OBSL1: variants seen among roughly 807,000 people sequenced by gnomAD.
OBSL1 encodes obscurin-like protein 1.
A neutral mutation model predicts 172.0 loss-of-function variants in OBSL1; 160 were observed. That is an observed-to-expected ratio of 0.93 (90% CI 0.82 to 1.06). The LOEUF (loss-of-function observed/expected upper bound fraction) is 1.06. Ranked by LOEUF, OBSL1 falls within the 50% of genes least tolerant of loss-of-function variation. The probability of loss-of-function intolerance (pLI) is 0.00; values close to 1 mark genes in which losing one functional copy is unlikely to be tolerated. For synonymous variants in OBSL1, 1,200 were observed against 1,196.3 expected, an observed-to-expected ratio of 1.00 and a Z score of -0.06; for missense variants, 2,681 against 2,715.4, an observed-to-expected ratio of 0.99 and a Z score of 0.28.
downstream of OBSL1, chr2:219,550,692 G>T: frequency 8.7e-7 from 1 of 1,149,458 alleles, no homozygotes; most frequent in Non-Finnish European, 1.2e-6. Context: ...TCCAGGCAAG[G>T]TCTGCCCCCC....
At chr2:219,547,825 G>A (rs759054005), downstream of OBSL1, 1 of 1,590,702 alleles carries the variant, frequency 6.3e-7, no homozygotes, top group Non-Finnish European at 8.5e-7. Flanking sequence ...TCTGTGCCCT[G>A]CTCACTCTGC....
downstream of OBSL1, chr2:219,550,497 T>G (rs1695543116): frequency 2.8e-6 from 1 of 352,110 alleles, no homozygotes; most frequent in Admixed American, 4.0e-5. Context: ...GTCTGGTGTC[T>G]GTCATGCCAA....
chr2:219,567,492 G>A lies in OBSL1; in HGVS notation c.1618C>T (p.Pro540Ser). 1 of 1,613,584 alleles carries A rather than the reference G, an allele frequency of 6.2e-7. No homozygotes were observed. The highest frequency in any genetic ancestry group is 8.5e-7 in the Non-Finnish European group (1 of 1,179,722). Residue 540 changes from proline to serine, a missense_variant, in exon 4 of 21, where the codon CCT becomes TCT. Pro to Ser is a moderately conservative substitution (Grantham distance 74). Coordinates refer to ENST00000404537, the MANE Select transcript of OBSL1 (RefSeq NM_015311.3). ...GGGGTCTCGGGAGCTGGCTCGGGAG[G>A]CTTCCAGGTCAACAGGACCGTGTTC... is the stretch of plus-strand genomic sequence containing the variant. ...HKNTVLLTWK[P>S]PEPAPETPFI... is the part of the protein sequence containing the mutation.
At chr2:219,560,559 C>T (rs988558512) in intron 8 of OBSL1, among the ~76,000 whole-genome samples, 1 of 151,864 alleles carries the variant, frequency 6.6e-6, no homozygotes, top group African/African-American at 2.4e-5. Flanking sequence ...GCCTCTGGCC[C>T]CCTGGTGGCT....
At chr2:219,549,514 G>A (rs897425428), downstream of OBSL1, among the ~76,000 whole-genome samples, 15 of 152,190 alleles carry the variant, frequency 9.9e-5, no homozygotes, top group African/African-American at 3.1e-4. Context: ...GGGGCTTGGC[G>A]GGTCCAGCTG....
At chr2:219,567,215 C>A in intron 4 of OBSL1, 58 bp downstream of exon 4, 2 of 1,562,540 alleles carry the variant, frequency 1.3e-6, no homozygotes, top group South Asian at 1.2e-5. Flanking sequence ...AGAGGACCAG[C>A]ACTGAGGGCT....
intron 1 of OBSL1, chr2:219,569,166 T>TG (rs1217095223): frequency 1.3e-5 from 2 of 152,082 alleles, no homozygotes; most frequent in Non-Finnish European, 2.9e-5. Context: ...TGTGTGCGTG[T>TG]GTGTATGCAA....
chr2:219,570,296 C>A lies in OBSL1; in HGVS notation c.937G>T (p.Asp313Tyr). ...GCGGCGCAGACGTAGAGCCCACGAT[C>A]CTTGGCCTGGCAGTAAAGCACCTTG... is the stretch of plus-strand genomic sequence containing the variant. ...VLKVLYCQAK[D>Y]RGLYVCAARN... The change falls in exon 1 of 21, where the codon GAT becomes TAT. Residue 313 changes from aspartate (D) to tyrosine (Y), a missense_variant. Coordinates refer to ENST00000404537, the MANE Select transcript of OBSL1 (RefSeq NM_015311.3). 1 of 1,610,176 alleles carries A rather than the reference C, an allele frequency of 6.2e-7. No homozygotes were observed. The highest frequency in any genetic ancestry group is 8.5e-7 in the Non-Finnish European group (1 of 1,177,528).
rs3183099 is a variant in OBSL1 at position 219,562,673 on chromosome 2, G to A, written c.2682C>T (p.Asp894=). 363,193 of 1,542,958 alleles carry A rather than the reference G, an allele frequency of 0.24. 44,711 individuals carry two copies. The highest frequency in any genetic ancestry group is 0.26 in the Admixed American group (13,419 of 50,988). The part of the protein sequence containing the change: ...ECAYFTVTIT[D]VSSWIVYPSG... ...TGGGATACACGATCCACGAGGAGAC[G>A]TCTGGAGGACAGGGACAGCCACTGC... Residue 894 remains aspartate (D), a splice_region_variant and synonymous_variant, in exon 8 of 21, where the codon GAC becomes GAT. Transcript: ENST00000404537.
Position 219,551,664 on chromosome 2 carries a change from G to T in OBSL1, c.5548C>A (p.Pro1850Thr). Reference protein sequence around the residue: ...CWLREGAELCPGDKYEMRSHG... With the variant: ...CWLREGAELCTGDKYEMRSHG... ...CTGCGCATCTCATACTTATCTCCCGGGCACAGCTCGGCCCCCTCCCGCAGC... is the reference window on the plus strand; with the variant it reads ...CTGCGCATCTCATACTTATCTCCCGTGCACAGCTCGGCCCCCTCCCGCAGC... Residue 1850 changes from proline to threonine, a missense_variant, in exon 20 of 21, where the codon CCG becomes ACG. Transcript: ENST00000404537. 6.2e-7 allele frequency: 1 copy of T among 1,611,418 alleles called. No individual in the cohort carries two copies. Among genetic ancestry groups the T allele is most frequent in the Non-Finnish European group, 8.5e-7 (1 of 1,179,316 alleles).
chr2:219,567,164 G>T (rs374886476), intron 4 of OBSL1, 38 bp from the exon 5 acceptor site: 1 of 1,600,308 alleles, frequency 6.2e-7, no homozygotes, highest in Non-Finnish European at 8.5e-7. Flanking sequence ...AGAACTAGAA[G>T]GTGTGGCAGA....
Position 219,567,370 on chromosome 2 carries a change from G to C in OBSL1, c.1740C>G (p.Asp580Glu). ...EKAGAVEVPG[D>E]CVPSEGDYRF... ...GGTAGTCACCCTCGGAGGGCACACA[G>C]TCGCCCGGCACCTCCACGGCTCCGG... is the stretch of plus-strand genomic sequence containing the variant. The change falls in exon 4 of 21, where the codon GAC becomes GAG. Residue 580 changes from aspartate to glutamate, a missense_variant. By Grantham distance (45) the Asp-to-Glu change is conservative. This residue lies in a region of OBSL1 where 706 missense variants were observed against 695.8 expected (regional missense o/e 1.01). Coordinates refer to ENST00000404537, the MANE Select transcript of OBSL1 (RefSeq NM_015311.3). 1 of 1,612,926 alleles carries C rather than the reference G, an allele frequency of 6.2e-7. No individual in the cohort carries two copies. The highest frequency in any genetic ancestry group is 8.5e-7 in the Non-Finnish European group (1 of 1,179,404).
chr2:219,555,531 T>C, intron 14 of OBSL1: 1 of 663,118 alleles, frequency 1.5e-6, no homozygotes, highest in Non-Finnish European at 1.9e-6. Flanking sequence ...CCTCCTGCCT[T>C]GGCCTCCCAA....
At position 219,553,666 on chromosome 2, in the gene OBSL1, G is replaced by A. The variant is rs191093745; in HGVS notation, c.4897C>T (p.Arg1633Trp). The change falls in exon 16 of 21, where the codon CGG (arginine) becomes TGG (tryptophan). Residue 1633 changes from arginine (R) to tryptophan (W), a missense_variant. By Grantham distance (101) the Arg-to-Trp change is moderately radical. Around this residue, in one of 5 missense-constraint regions of OBSL1, gnomAD observed 1,765 missense variants for 1,748.3 expected, o/e 1.01. Coordinates refer to ENST00000404537, the MANE Select transcript of OBSL1 (RefSeq NM_015311.3). ...GTCACCTCTAGGTCGTGTGGCCCCCGCACGATGGTCACTGGGACCTCTGGG... is the reference window on the plus strand; with the variant it reads ...GTCACCTCTAGGTCGTGTGGCCCCCACACGATGGTCACTGGGACCTCTGGG... ...IVREVPVTIV[R>W]GPHDLEVTEG... The A allele has an allele frequency of 4.2e-5, 67 of 1,613,272 alleles. No individual in the cohort carries two copies. The highest frequency in any genetic ancestry group is 5.3e-5 in the Non-Finnish European group (62 of 1,179,484).
chr2:219,571,216 C>T lies in OBSL1; in HGVS notation c.17G>A (p.Gly6Glu). The T allele has an allele frequency of 2.2e-6, 3 of 1,377,310 alleles. No individual in the cohort carries two copies. Among genetic ancestry groups the T allele is most frequent in the South Asian group, 1.7e-5 (1 of 57,904 alleles). The allele number at this position is 1,377,310 out of a possible 1,614,324, so 85.3% of individuals were successfully genotyped here. A position where few individuals can be genotyped will look rare whatever the true frequency, so the allele number is the denominator to read the frequency against. The change falls in exon 1 of 21, where the codon GGG (glycine) becomes GAG (glutamate). Residue 6 changes from glycine to glutamate, a missense_variant. Physicochemically the swap from Gly to Glu is moderately conservative, Grantham distance 98. Transcript: ENST00000404537. MKASS[G>E]DQGSPPCFLR... ...GAAGCACGGGGGGCTCCCCTGATCC[C>T]CCGAGCTCGCCTTCATCGCGGCGGC...
chr2:219,556,347 G>C (rs1235842083), intron 13 of OBSL1, 55 bp from the exon 14 acceptor site: 2 of 1,570,894 alleles, frequency 1.3e-6, no homozygotes, highest in South Asian at 1.2e-5. Context: ...CTGGCCCCTT[G>C]CTCCATCCCA....
chr2:219,558,534 G>A (rs903251167), intron 9 of OBSL1, 75 bp from the exon 10 acceptor site: 19 of 1,455,158 alleles, frequency 1.3e-5, no homozygotes, highest in Admixed American at 4.4e-5. Flanking sequence ...CAGATCCTCA[G>A]CCCTCCCCAC....
intron 8 of OBSL1, chr2:219,561,775 C>T (rs1195010646): frequency 4.4e-6 from 3 of 681,474 alleles, no homozygotes; most frequent in African/African-American, 1.8e-5. Flanking sequence ...ACTCAAATGC[C>T]CACAGGGGCC....
chr2:219,564,039 C>T (rs1254061918), intron 6 of OBSL1, among the ~76,000 whole-genome samples: 3 of 152,208 alleles, frequency 2.0e-5, no homozygotes, highest in Non-Finnish European at 4.4e-5. Context: ...CAAGTGGCAA[C>T]AGTGAGACAG....
Sources: gnomAD v4.1 joint callset for allele counts (sites outside exome capture counted in the v4.1 genomes callset) on GRCh38, gnomAD v4.1.1 for gene constraint, gnomAD v4.1.1 regional missense constraint, MANE v1.5 for transcripts, NCBI Gene and HGNC (gene_info 2026-07-23, HGNC 2026-07-21) for gene names.